DIP2C: variants seen among roughly 807,000 people sequenced by gnomAD.
The protein encoded by DIP2C is disco-interacting protein 2 homolog C.
A neutral mutation model predicts 192.4 loss-of-function variants in DIP2C; 33 were observed. That is an observed-to-expected ratio of 0.17 (90% CI 0.13 to 0.23). The LOEUF is 0.23. Among genes scored for constraint, DIP2C ranks in the 10% least tolerant of loss-of-function variants. The pLI is 1.00. For synonymous variants in DIP2C, 979 were observed against 864.1 expected, an observed-to-expected ratio of 1.13 and a Z score of -2.33; for missense variants, 1,537 against 2,110.1, an observed-to-expected ratio of 0.73 and a Z score of 5.32.
At chr10:341,106 G>A (rs1958124353) in intron 29 of DIP2C, 93 bp downstream of exon 29, 2 of 1,557,394 alleles carry the variant, frequency 1.3e-6, no homozygotes, top group East Asian at 2.3e-5. Context: ...GTGGGGGTGT[G>A]GGGGCAGTGC....
chr10:510,693 CCT>C (rs890881446), intron 1 of DIP2C, among the ~76,000 whole-genome samples: 28 of 152,332 alleles, frequency 1.8e-4, no homozygotes, highest in African/African-American at 4.8e-4. Flanking sequence ...AGCTGACACC[CCT>C]GAGAGAGCAG....
intron 3 of DIP2C, among the ~76,000 whole-genome samples, chr10:451,907 C>CA (rs1256138565): frequency 6.6e-6 from 1 of 151,024 alleles, no homozygotes; most frequent in Non-Finnish European, 1.5e-5. Flanking sequence ...GCACCATACA[C>CA]AAGTCTGCTA....
intron 1 of DIP2C, among the ~76,000 whole-genome samples, chr10:542,801 C>G (rs1455341060): frequency 6.6e-6 from 1 of 151,290 alleles, no homozygotes; most frequent in African/African-American, 2.4e-5. Flanking sequence ...GATCCCAGTT[C>G]TTATCAGATT....
chr10:311,861 G>A (rs954938430), intron 31 of DIP2C, among the ~76,000 whole-genome samples: 7 of 152,140 alleles, frequency 4.6e-5, no homozygotes, highest in South Asian at 4.2e-4. Flanking sequence ...GACTAACCAC[G>A]GCGCAGGGAC....
At chr10:454,686 A>G (rs1274038902) in intron 3 of DIP2C, among the ~76,000 whole-genome samples, 1 of 151,178 alleles carries the variant, frequency 6.6e-6, no homozygotes, top group African/African-American at 2.4e-5. Flanking sequence ...TCATTATTGC[A>G]ATGAGATACT....
At chr10:314,035 G>T (rs1956670273) in intron 31 of DIP2C, among the ~76,000 whole-genome samples, 1 of 152,176 alleles carries the variant, frequency 6.6e-6, no homozygotes, top group Non-Finnish European at 1.5e-5. Context: ...AGTACACTAG[G>T]TAAGTCTGAG....
intron 34 of DIP2C, 75 bp from the exon 35 acceptor site, chr10:283,521 C>T: frequency 6.6e-7 from 1 of 1,518,868 alleles, no homozygotes; most frequent in Non-Finnish European, 9.0e-7. Context: ...ACTACTTTGA[C>T]AATTCAGTAC....
At chr10:334,321 A>AAAAG (rs1957650328) in intron 29 of DIP2C, among the ~76,000 whole-genome samples, 1 of 151,378 alleles carries the variant, frequency 6.6e-6, no homozygotes, top group African/African-American at 2.4e-5. Flanking sequence ...AAAAAAAAAA[A>AAAAG]AAAAGAAAAA....
intron 1 of DIP2C, among the ~76,000 whole-genome samples, chr10:526,800 C>T (rs917258977): frequency 2.0e-5 from 3 of 152,160 alleles, no homozygotes; most frequent in Non-Finnish European, 2.9e-5. Context: ...TTCTTTCCTC[C>T]GTCCCGCCAG....
chr10:673,698 G>A (rs1409363803), intron 1 of DIP2C, among the ~76,000 whole-genome samples: 1 of 152,166 alleles, frequency 6.6e-6, no homozygotes, highest in Admixed American at 6.5e-5. Flanking sequence ...AACGCCACCA[G>A]AACGTCCTTG....
chr10:674,826 A>AGGGAGAGACC (rs1830816003), intron 1 of DIP2C, among the ~76,000 whole-genome samples: 1 of 144,658 alleles, frequency 6.9e-6, no homozygotes, highest in Non-Finnish European at 1.5e-5. Context: ...AGAGAGAGAG[A>AGGGAGAGACC]GAGACCAACA....
At chr10:309,403 T>C (rs1956476022) in intron 32 of DIP2C, among the ~76,000 whole-genome samples, 1 of 152,040 alleles carries the variant, frequency 6.6e-6, no homozygotes, top group South Asian at 2.1e-4. Flanking sequence ...TAAAGAAATG[T>C]GGGCAGGATG....
At chr10:537,131 G>A (rs1396052793) in intron 1 of DIP2C, among the ~76,000 whole-genome samples, 2 of 152,130 alleles carry the variant, frequency 1.3e-5, no homozygotes, top group South Asian at 2.1e-4. Context: ...AAGTGAGGGT[G>A]GAGTGAGTTT....
chr10:560,081 A>G (rs756219591), intron 1 of DIP2C, among the ~76,000 whole-genome samples: 1 of 151,654 alleles, frequency 6.6e-6, no homozygotes, highest in Non-Finnish European at 1.5e-5. Flanking sequence ...ACTGCGCCCA[A>G]GGCCTGACTC....
intron 4 of DIP2C, among the ~76,000 whole-genome samples, chr10:437,148 C>T (rs1240147625): frequency 4.2e-5 from 6 of 144,448 alleles, no homozygotes; most frequent in Middle Eastern, 3.8e-3. Context: ...CTCTGAGCTC[C>T]GCCTCCTGGA....
chr10:390,221 A>C (rs1248415860), intron 12 of DIP2C, 43 bp downstream of exon 12: 1 of 1,599,168 alleles, frequency 6.3e-7, no homozygotes, highest in Middle Eastern at 1.7e-4. Flanking sequence ...GTTAGTGCCA[A>C]GGCCACACTC....
chr10:480,292 A>G (rs993109160), intron 2 of DIP2C, among the ~76,000 whole-genome samples: 5 of 140,682 alleles, frequency 3.6e-5, no homozygotes, highest in East Asian at 4.4e-4. Flanking sequence ...TGCTCACTGG[A>G]TAAGACTCAT....
At chr10:541,844 T>G (rs1021506958) in intron 1 of DIP2C, among the ~76,000 whole-genome samples, 2 of 152,136 alleles carry the variant, frequency 1.3e-5, no homozygotes, top group African/African-American at 4.8e-5. Context: ...GACTGCACCC[T>G]GTCTAGTGCA....
chr10:395,456 T>C (rs1963911633), intron 10 of DIP2C, among the ~76,000 whole-genome samples: 1 of 152,094 alleles, frequency 6.6e-6, no homozygotes, highest in South Asian at 2.1e-4. Flanking sequence ...AAAAGTAAAA[T>C]CAAGTCACGG....
Sources: allele counts gnomAD v4.1 joint callset (sites outside exome capture counted in the v4.1 genomes callset), GRCh38; gene constraint gnomAD v4.1.1; transcripts MANE v1.5; gene names NCBI Gene and HGNC (gene_info 2026-07-23, HGNC 2026-07-21).